The following PDE1A variants were observed in gnomAD, a reference collection of about 807,000 sequenced individuals.
PDE1A encodes the protein phosphodiesterase 1A, also known as dual specificity calcium/calmodulin-dependent 3',5'-cyclic nucleotide phosphodiesterase 1A.
In PDE1A, 35 loss-of-function variants were observed where a neutral mutation model predicts 61.7. That is an observed-to-expected ratio of 0.57 (90% CI 0.43 to 0.75). The LOEUF is 0.75. PDE1A is among the 30% of genes least tolerant of loss of function. The pLI is 0.00. For missense variants in PDE1A, 597 were observed against 630.6 expected (o/e 0.95, Z 0.57); for synonymous variants, 232 against 213.2 (o/e 1.09, Z -0.77).
At chr2:182,699,361 T>A in the PDE1A span, among the ~76,000 whole-genome samples, 1 of 152,186 alleles carries the variant, frequency 6.6e-6, no homozygotes, top group East Asian at 1.9e-4. Flanking sequence ...TACACCAAAT[T>A]TCAGAACCAA....
chr2:182,631,284 C>CT, the PDE1A span, among the ~76,000 whole-genome samples: 22 of 149,964 alleles, frequency 1.5e-4, no homozygotes, highest in South Asian at 8.4e-4. Context: ...CCTTTGCCTT[C>CT]TTTTTTTTTT....
chr2:182,525,985 CAA>C (rs1690769062), upstream of PDE1A, among the ~76,000 whole-genome samples: 1 of 151,884 alleles, frequency 6.6e-6, no homozygotes, highest in Non-Finnish European at 1.5e-5. Flanking sequence ...AACAAAATCC[CAA>C]GTTAGCATCT....
intron 1 of PDE1A, chr2:182,522,657 C>T: frequency 8.6e-7 from 1 of 1,166,124 alleles, no homozygotes; most frequent in African/African-American, 1.5e-5. Context: ...TGCTACTGTA[C>T]TACTGACCGA....
intron 2 of PDE1A, among the ~76,000 whole-genome samples, chr2:182,432,511 G>A (rs1704007034): frequency 6.6e-6 from 1 of 151,998 alleles, no homozygotes; most frequent in Admixed American, 6.6e-5. Flanking sequence ...CTCTGGAAAG[G>A]CAGGGATTAG....
At chr2:182,455,099 T>C (rs1027268201) in intron 2 of PDE1A, among the ~76,000 whole-genome samples, 5 of 151,654 alleles carry the variant, frequency 3.3e-5, no homozygotes, top group Admixed American at 3.3e-4. Context: ...GGGCAAAGGT[T>C]ATGAACAGAC....
the PDE1A span, among the ~76,000 whole-genome samples, chr2:182,601,943 C>T: frequency 6.6e-6 from 1 of 152,202 alleles, no homozygotes; most frequent in Non-Finnish European, 1.5e-5. Context: ...CACAAGTTCC[C>T]ACTCCATTCC....
At chr2:182,678,934 A>G in the PDE1A span, among the ~76,000 whole-genome samples, 1 of 151,900 alleles carries the variant, frequency 6.6e-6, no homozygotes, top group South Asian at 2.1e-4. Flanking sequence ...CATAATAGCT[A>G]AAGGGAGAAT....
At chr2:182,371,208 A>C (rs1179758573) in intron 1 of PDE1A, among the ~76,000 whole-genome samples, 1 of 152,194 alleles carries the variant, frequency 6.6e-6, no homozygotes, top group African/African-American at 2.4e-5. Flanking sequence ...TGCACTATAA[A>C]CATTTATTAA....
At chr2:182,555,704 G>A in the PDE1A span, among the ~76,000 whole-genome samples, 5 of 152,072 alleles carry the variant, frequency 3.3e-5, no homozygotes, top group African/African-American at 1.2e-4. Context: ...GGTGGGTCAC[G>A]CCTATAATAC....
the PDE1A span, among the ~76,000 whole-genome samples, chr2:182,663,696 G>C: frequency 6.6e-6 from 1 of 152,060 alleles, no homozygotes; most frequent in Non-Finnish European, 1.5e-5. Context: ...GGAGGAGGGA[G>C]AGAATCAGGA....
chr2:182,315,938 T>C (rs1450607862), intron 1 of PDE1A, among the ~76,000 whole-genome samples: 2 of 152,212 alleles, frequency 1.3e-5, no homozygotes, highest in Non-Finnish European at 2.9e-5. Flanking sequence ...ACATTGATGA[T>C]AGGTGTCTGG....
At chr2:182,680,610 T>C in the PDE1A span, among the ~76,000 whole-genome samples, 13 of 152,166 alleles carry the variant, frequency 8.5e-5, no homozygotes, top group Admixed American at 3.9e-4. Context: ...GTAGGAAAGA[T>C]TGCAGCTTGT....
intron 2 of PDE1A, among the ~76,000 whole-genome samples, chr2:182,447,691 C>T (rs977784218): frequency 6.6e-6 from 1 of 152,032 alleles, no homozygotes; most frequent in African/African-American, 2.4e-5. Flanking sequence ...ATAAATCTAT[C>T]TATACTTTCC....
intron 1 of PDE1A, among the ~76,000 whole-genome samples, chr2:182,384,132 C>T (rs1700888572): frequency 6.6e-6 from 1 of 152,234 alleles, no homozygotes; most frequent in South Asian, 2.1e-4. Context: ...TGGCTCTGAG[C>T]TTCTGGCCCA....
chr2:182,602,332 G>A, the PDE1A span, among the ~76,000 whole-genome samples: 1 of 152,222 alleles, frequency 6.6e-6, no homozygotes, highest in Admixed American at 6.5e-5. Context: ...TCTCTCTGCT[G>A]CAGCCAGCAT....
chr2:182,679,005 CT>C, the PDE1A span, among the ~76,000 whole-genome samples: 105 of 127,634 alleles, frequency 8.2e-4, no homozygotes, highest in Non-Finnish European at 1.1e-3. Context: ...TTTGGTTTCT[CT>C]TTTTTTTTTT....
chr2:182,669,861 G>C, the PDE1A span, among the ~76,000 whole-genome samples: 3 of 152,214 alleles, frequency 2.0e-5, no homozygotes, highest in Non-Finnish European at 2.9e-5. Flanking sequence ...TAAGGAATCC[G>C]GGAGTGGCCA....
intron 6 of PDE1A, among the ~76,000 whole-genome samples, chr2:182,227,320 A>C (rs1689221787): frequency 6.6e-6 from 1 of 152,040 alleles, no homozygotes; most frequent in South Asian, 2.1e-4. Flanking sequence ...TGTGGGACAG[A>C]AAAAGTAAAT....
At chr2:182,181,438 TTGCTGTC>T (rs1684751602) in intron 13 of PDE1A, among the ~76,000 whole-genome samples, 1 of 152,220 alleles carries the variant, frequency 6.6e-6, no homozygotes, top group African/African-American at 2.4e-5. Context: ...ACATCAAAGA[TTGCTGTC>T]TGCTCCTTCC....
Sources: gnomAD v4.1 joint callset for allele counts (sites outside exome capture counted in the v4.1 genomes callset) on GRCh38, gnomAD v4.1.1 for gene constraint, MANE v1.5 for transcripts, NCBI Gene and HGNC (gene_info 2026-07-23, HGNC 2026-07-21) for gene names.